HSPA12A: variants seen among roughly 807,000 people sequenced by gnomAD.
HSPA12A encodes heat shock 70 kDa protein 12A.
A neutral mutation model predicts 69.2 loss-of-function variants in HSPA12A; 28 were observed. The ratio of observed to expected loss-of-function variants is 0.40; its 90% confidence interval spans 0.30 to 0.55. HSPA12A has a LOEUF of 0.55. Among genes scored for constraint, HSPA12A ranks in the 20% least tolerant of loss-of-function variants. HSPA12A has a pLI of 0.38. For missense variants in HSPA12A, 686 were observed against 900.7 expected (o/e 0.76, Z 3.05); for synonymous variants, 345 against 370.5 (o/e 0.93, Z 0.79).
intron 1 of HSPA12A, among the ~76,000 whole-genome samples, chr10:116,714,293 G>A (rs1168302014): frequency 2.0e-5 from 3 of 152,064 alleles, no homozygotes; most frequent in African/African-American, 7.2e-5. Context: ...GCTATGCTGA[G>A]TGACCTCCAA....
intron 3 of HSPA12A, among the ~76,000 whole-genome samples, chr10:116,704,269 A>G (rs1554881979): frequency 6.6e-6 from 1 of 152,234 alleles, no homozygotes; most frequent in Non-Finnish European, 1.5e-5. Context: ...ACCATGGAAT[A>G]CTATGCAGCC....
At chr10:116,771,871 G>C (rs1844219521) in intron 2 of HSPA12A, among the ~76,000 whole-genome samples, 1 of 152,210 alleles carries the variant, frequency 6.6e-6, no homozygotes, top group African/African-American at 2.4e-5. Flanking sequence ...GGGCGGTGGG[G>C]AGGTGGCATC....
At chr10:116,750,029 T>C (rs1411159142) in intron 2 of HSPA12A, 8 of 255,556 alleles carry the variant, frequency 3.1e-5, no homozygotes, top group African/African-American at 1.8e-4. Context: ...TAAAAATAAG[T>C]ACAACATGCC....
At chr10:116,732,128 C>T (rs1383393212) in intron 1 of HSPA12A, among the ~76,000 whole-genome samples, 1 of 151,848 alleles carries the variant, frequency 6.6e-6, no homozygotes, top group African/African-American at 2.4e-5. Flanking sequence ...GTCAGGAGTT[C>T]GAGACCAGCC....
chr10:116,759,989 T>A (rs1159430809), intron 2 of HSPA12A, among the ~76,000 whole-genome samples: 9 of 152,214 alleles, frequency 5.9e-5, no homozygotes, highest in Admixed American at 5.9e-4. Flanking sequence ...CATGGAACTA[T>A]GAACCCATTA....
At chr10:116,838,082 A>G (rs1171288470) in intron 1 of HSPA12A, among the ~76,000 whole-genome samples, 1 of 152,196 alleles carries the variant, frequency 6.6e-6, no homozygotes, top group East Asian at 1.9e-4. Context: ...ATATACTCTC[A>G]TGGGAAATAG....
At chr10:116,747,912 T>C (rs1425950762) in intron 2 of HSPA12A, among the ~76,000 whole-genome samples, 2 of 152,098 alleles carry the variant, frequency 1.3e-5, no homozygotes, top group East Asian at 3.9e-4. Flanking sequence ...GGCAGGAGAA[T>C]TGCTTGAACC....
At chr10:116,812,309 T>C (rs1283751301) in intron 2 of HSPA12A, among the ~76,000 whole-genome samples, 1 of 151,582 alleles carries the variant, frequency 6.6e-6, no homozygotes, top group Non-Finnish European at 1.5e-5. Context: ...AAAAATTAGC[T>C]GGGTATGGTG....
chr10:116,782,364 CAT>C (rs1401811794), intron 2 of HSPA12A, among the ~76,000 whole-genome samples: 1 of 152,226 alleles, frequency 6.6e-6, no homozygotes, highest in Non-Finnish European at 1.5e-5. Context: ...ACCCCACTAG[CAT>C]AGCCTAGTGC....
intron 2 of HSPA12A, 87 bp from the exon 3 acceptor site, chr10:116,705,365 G>T: frequency 1.4e-6 from 2 of 1,433,048 alleles, no homozygotes; most frequent in African/African-American, 1.4e-5. Flanking sequence ...ACCTTGCCTA[G>T]CTGTGAACCC....
intron 1 of HSPA12A, among the ~76,000 whole-genome samples, chr10:116,727,489 G>A (rs1851004968): frequency 6.6e-6 from 1 of 152,178 alleles, no homozygotes; most frequent in Non-Finnish European, 1.5e-5. Flanking sequence ...AAATCATGTA[G>A]CTACACCGAG....
At chr10:116,753,510 A>G (rs1843754726) in intron 2 of HSPA12A, among the ~76,000 whole-genome samples, 1 of 152,196 alleles carries the variant, frequency 6.6e-6, no homozygotes. Context: ...CTGTAGAATG[A>G]GGACAAAAAT....
chr10:116,787,894 T>C (rs974314509), intron 2 of HSPA12A, among the ~76,000 whole-genome samples: 1 of 152,092 alleles, frequency 6.6e-6, no homozygotes, highest in Non-Finnish European at 1.5e-5. Context: ...CTAAATCCCC[T>C]GGAATCAGGT....
At chr10:116,839,124 T>A (rs898220159) in intron 1 of HSPA12A, among the ~76,000 whole-genome samples, 1 of 152,192 alleles carries the variant, frequency 6.6e-6, no homozygotes, top group African/African-American at 2.4e-5. Flanking sequence ...TGAATATACT[T>A]TCACAGTTGG....
chr10:116,849,147 G>T (rs1845970309), intron 1 of HSPA12A, among the ~76,000 whole-genome samples: 2 of 152,224 alleles, frequency 1.3e-5, no homozygotes, highest in Admixed American at 1.3e-4. Flanking sequence ...GGGGCGCGTG[G>T]GGAGGGCGGG....
At position 116,672,339 on chromosome 10, in the gene HSPA12A, G is replaced by A. The variant is rs1639220602; in HGVS notation, c.*2442C>T. On this transcript the variant is annotated 3_prime_UTR_variant, in exon 12 of 12. Transcript: ENST00000369209. ...GTTCTGCGCAGTCACATGGCTTCCA[G>A]AACCAGAACGTTCAGCTCTTAAAGT... 1 of 152,186 alleles carries A rather than the reference G, an allele frequency of 6.6e-6. No homozygotes were observed. The highest frequency in any genetic ancestry group is 2.4e-5 in the African/African-American group (1 of 41,448). The allele number at this position is 152,186 out of a possible 1,614,324, so 9.4% of individuals were successfully genotyped here. A position where few individuals can be genotyped will look rare whatever the true frequency, so the allele number is the denominator to read the frequency against.
At chr10:116,728,932 C>T (rs1324911820) in intron 1 of HSPA12A, among the ~76,000 whole-genome samples, 1 of 152,224 alleles carries the variant, frequency 6.6e-6, no homozygotes, top group Non-Finnish European at 1.5e-5. Context: ...CATCTTAATG[C>T]TCCTTATGTG....
chr10:116,769,173 C>T (rs1844143799), intron 2 of HSPA12A, among the ~76,000 whole-genome samples: 2 of 152,198 alleles, frequency 1.3e-5, no homozygotes, highest in East Asian at 3.9e-4. Flanking sequence ...ACTTGACCTC[C>T]CCTTCCTCCA....
At chr10:116,697,515 A>T (rs1438810065) in intron 5 of HSPA12A, among the ~76,000 whole-genome samples, 2 of 152,118 alleles carry the variant, frequency 1.3e-5, no homozygotes, top group East Asian at 3.9e-4. Flanking sequence ...CTATAGACCA[A>T]GCTCCAAGGA....
Sources: allele counts gnomAD v4.1 joint callset (sites outside exome capture counted in the v4.1 genomes callset), GRCh38; gene constraint gnomAD v4.1.1; transcripts MANE v1.5; gene names NCBI Gene and HGNC (gene_info 2026-07-23, HGNC 2026-07-21).